The following USP31 variants were observed in gnomAD, a reference collection of about 807,000 sequenced individuals.
USP31 encodes the protein ubiquitin carboxyl-terminal hydrolase 31.
Under a neutral mutation model 119.4 loss-of-function variants are expected in USP31, and 44 were observed. That is an observed-to-expected ratio of 0.37 (90% CI 0.29 to 0.47). USP31 has a LOEUF of 0.47. Among genes scored for constraint, USP31 ranks in the 20% least tolerant of loss-of-function variants. The pLI, the probability that USP31 is intolerant of heterozygous loss-of-function variation, is 0.99. For missense variants in USP31, 1,643 were observed against 1,730.2 expected, an observed-to-expected ratio of 0.95 and a Z score of 0.89; for synonymous variants, 749 against 705.6, an observed-to-expected ratio of 1.06 and a Z score of -0.97.
chr16:23,085,340 TA>T (rs1324551559), intron 10 of USP31, among the ~76,000 whole-genome samples: 6 of 152,156 alleles, frequency 3.9e-5, no homozygotes, highest in Admixed American at 1.3e-4. Flanking sequence ...ACCTATATAG[TA>T]GCTAATGAGT....
chr16:23,103,799 C>T (rs118169075), intron 5 of USP31, among the ~76,000 whole-genome samples: 3,831 of 152,182 alleles, frequency 0.025, 82 homozygotes, highest in Non-Finnish European at 0.034. Flanking sequence ...CCTACAGTCC[C>T]CACTACTTGG....
At chr16:23,124,543 GAGATATAA>G (rs1902784890) in intron 1 of USP31, among the ~76,000 whole-genome samples, 1 of 152,148 alleles carries the variant, frequency 6.6e-6, no homozygotes, top group Admixed American at 6.5e-5. Context: ...TAGAACACTG[GAGATATAA>G]ATAAATACCA....
At chr16:23,080,556 G>A (rs549685351) in intron 12 of USP31, among the ~76,000 whole-genome samples, 3 of 152,268 alleles carry the variant, frequency 2.0e-5, no homozygotes, top group South Asian at 4.1e-4. Flanking sequence ...AAACCACAGC[G>A]CCTGGTGCAG....
Position 23,068,332 on chromosome 16 carries a change from G to T in USP31, c.3773C>A (p.Ser1258Tyr). 6.2e-7 allele frequency: 1 copy of T among 1,614,136 alleles called. No homozygotes were observed. Among genetic ancestry groups the T allele is most frequent in the Non-Finnish European group, 8.5e-7 (1 of 1,179,998 alleles). ...ALLSKKAGGS[S>Y]VKSVCKNTGD... ...GGTGTTCTTACAGACAGACTTAACA[G>T]AGCTCCCACCAGCCTTTTTAGAGAG... Residue 1258 changes from serine to tyrosine, a missense_variant, in exon 16 of 16, where the codon TCT (serine) becomes TAT (tyrosine). By Grantham distance (144) the Ser-to-Tyr change is moderately radical (BLOSUM62 -2). This residue lies in a region of USP31 where 699 missense variants were observed against 650.9 expected (regional missense o/e 1.07). Transcript: ENST00000219689.
intron 14 of USP31, chr16:23,072,613 T>C: frequency 2.2e-6 from 1 of 463,128 alleles, no homozygotes; most frequent in Non-Finnish European, 3.8e-6. Context: ...GATGCGGCAG[T>C]ATACTCTTTT....
Position 23,069,423 on chromosome 16 carries a change from G to A in USP31, c.2682C>T (p.Ser894=). The change falls in exon 16 of 16, where the codon TCC becomes TCT. Residue 894 remains serine, a synonymous_variant. Transcript: ENST00000219689. ...SGDSPIHSSA[S]TLEKIGEAAD... Reference sequence around the variant, plus strand: ...CTGCCTCCCCAATCTTCTCCAAGGTGGAAGCAGAGCTGTGAATTGGCGAAT... The same window carrying A: ...CTGCCTCCCCAATCTTCTCCAAGGTAGAAGCAGAGCTGTGAATTGGCGAAT... The A allele has an allele frequency of 6.2e-7, 1 of 1,614,086 alleles. No homozygotes were observed. The highest frequency in any genetic ancestry group is 1.7e-5 in the Admixed American group (1 of 60,018).
At chr16:23,135,820 T>C (rs780763739) in intron 1 of USP31, among the ~76,000 whole-genome samples, 1 of 152,076 alleles carries the variant, frequency 6.6e-6, no homozygotes, top group Non-Finnish European at 1.5e-5. Flanking sequence ...TTGGAAGAAA[T>C]AGAAAAGTCC....
intron 1 of USP31, among the ~76,000 whole-genome samples, chr16:23,113,353 G>T (rs779614675): frequency 6.6e-6 from 1 of 152,162 alleles, no homozygotes; most frequent in Non-Finnish European, 1.5e-5. Flanking sequence ...CAGAACCCAG[G>T]GAACATATGG....
At chr16:23,091,868 T>C (rs1051437987) in intron 6 of USP31, among the ~76,000 whole-genome samples, 1 of 152,234 alleles carries the variant, frequency 6.6e-6, no homozygotes, top group Non-Finnish European at 1.5e-5. Flanking sequence ...TAGATCTTAC[T>C]TCCTAACCAT....
chr16:23,086,950 A>G, intron 9 of USP31, 142 bp downstream of exon 9: 1 of 617,586 alleles, frequency 1.6e-6, no homozygotes, highest in Non-Finnish European at 2.8e-6. Flanking sequence ...AGCACAAATC[A>G]AAAGTAAAAT....
At chr16:23,134,205 G>A (rs1903117114) in intron 1 of USP31, among the ~76,000 whole-genome samples, 1 of 151,960 alleles carries the variant, frequency 6.6e-6, no homozygotes, top group Admixed American at 6.6e-5. Context: ...TGAGAAAGAA[G>A]AATAAGCAAC....
intron 5 of USP31, among the ~76,000 whole-genome samples, chr16:23,104,219 A>T (rs1902000412): frequency 6.6e-6 from 1 of 152,208 alleles, no homozygotes; most frequent in Admixed American, 6.5e-5. Flanking sequence ...TCGGTGGTAT[A>T]TTCCACAAAT....
In USP31 at chr16:23,068,297, C is replaced by G. The variant is rs1436560568; in HGVS notation, c.3808G>C (p.Glu1270Gln). 6.2e-7 allele frequency: 1 copy of G among 1,613,932 alleles called. No homozygotes were observed. Among genetic ancestry groups the G allele is most frequent in the Non-Finnish European group, 8.5e-7 (1 of 1,179,840 alleles). The change falls in exon 16 of 16, where the codon GAG (glutamate) becomes CAG (glutamine). Residue 1270 changes from glutamate to glutamine, a missense_variant. Glu to Gln is a conservative substitution (Grantham distance 29, BLOSUM62 2). Coordinates refer to ENST00000219689, the MANE Select transcript of USP31 (RefSeq NM_020718.4). The part of the protein sequence containing the change: ...KSVCKNTGDD[E>Q]AERGHQPPAS... ...GGAGGCTGGTGGCCTCTCTCTGCCT[C>G]GTCGTCCCCGGTGTTCTTACAGACA...
At chr16:23,116,772 C>T (rs868785164) in intron 1 of USP31, among the ~76,000 whole-genome samples, 20 of 152,260 alleles carry the variant, frequency 1.3e-4, no homozygotes, top group African/African-American at 4.6e-4. Context: ...GAAAGATAAG[C>T]AGGGGACCCT....
At chr16:23,105,639 C>A in intron 4 of USP31, 63 bp from the exon 5 acceptor site, 1 of 1,434,360 alleles carries the variant, frequency 7.0e-7, no homozygotes, top group South Asian at 1.7e-5. Context: ...ATAGAAGATG[C>A]AAAATAAACC....
At chr16:23,130,693 T>G (rs1474968203) in intron 1 of USP31, among the ~76,000 whole-genome samples, 3 of 152,072 alleles carry the variant, frequency 2.0e-5, no homozygotes, top group Non-Finnish European at 4.4e-5. Flanking sequence ...TTACATGATA[T>G]CCTAGGTTTC....
chr16:23,063,791 GGTAGTA>G lies in USP31; in HGVS notation c.*4249_*4254del, dbSNP rs1411998288. On this transcript the variant is annotated 3_prime_UTR_variant, in exon 16 of 16. Transcript: ENST00000219689. ...ATATGTTTTATTGTTTGCTTGCATA[GGTAGTA>G]AGAGCATGCTTTCTGAGTTATATGG... 6.6e-6 allele frequency: 1 copy of G among 151,650 alleles called. No homozygotes were observed. Among genetic ancestry groups the G allele is most frequent in the Non-Finnish European group, 1.5e-5 (1 of 67,952 alleles). The allele number at this position is 151,650 out of a possible 1,614,324, so 9.4% of individuals were successfully genotyped here. A position where few individuals can be genotyped will look rare whatever the true frequency, so the allele number is the denominator to read the frequency against.
At chr16:23,126,796 C>T (rs1434511432) in intron 1 of USP31, among the ~76,000 whole-genome samples, 2 of 152,098 alleles carry the variant, frequency 1.3e-5, no homozygotes, top group Non-Finnish European at 2.9e-5. Flanking sequence ...AGCACTCATA[C>T]GTTAGCGACA....
chr16:23,113,268 G>A (rs1422045779), intron 1 of USP31, among the ~76,000 whole-genome samples: 1 of 152,164 alleles, frequency 6.6e-6, no homozygotes, highest in Non-Finnish European at 1.5e-5. Context: ...TCCCAAGTGA[G>A]GTTAAATCTG....
Sources: gnomAD v4.1 joint callset for allele counts (sites outside exome capture counted in the v4.1 genomes callset) on GRCh38, gnomAD v4.1.1 for gene constraint, gnomAD v4.1.1 regional missense constraint, MANE v1.5 for transcripts, NCBI Gene and HGNC (gene_info 2026-07-23, HGNC 2026-07-21) for gene names.